Variants in PDE3A observed in about 807,000 individuals in gnomAD.
PDE3A encodes the protein cGMP-inhibited 3',5'-cyclic phosphodiesterase 3A.
PDE3A carries 43 observed loss-of-function variants against 98.3 expected under a neutral mutation model. That is an observed-to-expected ratio of 0.44 (90% CI 0.34 to 0.56). The LOEUF is 0.56. PDE3A is among the 20% of genes least tolerant of loss of function. The pLI is 0.01. For missense variants in PDE3A, 1,427 were observed against 1,440.7 expected (o/e 0.99, Z 0.15); for synonymous variants, 663 against 567.9 (o/e 1.17, Z -2.38).
At chr12:20,601,550 T>A (rs1943591823) in intron 2 of PDE3A, among the ~76,000 whole-genome samples, 1 of 152,178 alleles carries the variant, frequency 6.6e-6, no homozygotes, top group African/African-American at 2.4e-5. Context: ...GAAAATTACA[T>A]GTGGGAAAAT....
chr12:20,507,170 T>C (rs939713362), intron 1 of PDE3A, among the ~76,000 whole-genome samples: 1 of 151,986 alleles, frequency 6.6e-6, no homozygotes, highest in African/African-American at 2.4e-5. Context: ...TTTCTGTTTG[T>C]ATTGGACCTT....
chr12:20,673,848 TAAAAATAAAAATAAA>T (rs1471520864), intron 15 of PDE3A, among the ~76,000 whole-genome samples: 7 of 76,390 alleles, frequency 9.2e-5, no homozygotes, highest in East Asian at 5.5e-4. Flanking sequence ...TAAAGTATAA[TAAAAATAAAAATAAA>T]AAAAATAAAA....
intron 1 of PDE3A, among the ~76,000 whole-genome samples, chr12:20,385,739 T>A (rs995021295): frequency 6.8e-6 from 1 of 147,378 alleles, no homozygotes; most frequent in Admixed American, 7.0e-5. Flanking sequence ...AATTGAACAA[T>A]AAGAACACTT....
intron 1 of PDE3A, among the ~76,000 whole-genome samples, chr12:20,372,916 G>A (rs1278882989): frequency 6.6e-6 from 1 of 152,038 alleles, no homozygotes; most frequent in South Asian, 2.1e-4. Flanking sequence ...TGTATGAATG[G>A]CAGTGGCTGG....
At chr12:20,537,480 AT>A (rs1341723032) in intron 1 of PDE3A, among the ~76,000 whole-genome samples, 3 of 152,054 alleles carry the variant, frequency 2.0e-5, no homozygotes, top group African/African-American at 7.2e-5. Flanking sequence ...TGCATCTACT[AT>A]TATTTATTTT....
chr12:20,438,613 A>G lies in PDE3A; in HGVS notation c.960+68369A>G, dbSNP rs150762401. Among the ~76,000 whole-genome samples, 1,180 of 152,324 alleles carry G rather than the reference A, an allele frequency of 7.7e-3. 20 individuals carry two copies. Among genetic ancestry groups the G allele is most frequent in the African/African-American group, 0.026 (1,094 of 41,566 alleles). ...CTTTCTGTCATAACATCTTTATCAC[A>G]CAGGATATGGACTTGCTATGATGTG... On this transcript the variant is annotated intron_variant, in intron 1 of 15. Transcript: ENST00000359062.
intron 1 of PDE3A, among the ~76,000 whole-genome samples, chr12:20,491,820 C>A (rs1282701958): frequency 6.6e-6 from 1 of 152,170 alleles, no homozygotes; most frequent in Non-Finnish European, 1.5e-5. Context: ...ATAATCGAAT[C>A]TCTTTACAGT....
intron 1 of PDE3A, among the ~76,000 whole-genome samples, chr12:20,388,349 C>T (rs1388370709): frequency 6.6e-6 from 1 of 152,036 alleles, no homozygotes; most frequent in African/African-American, 2.4e-5. Flanking sequence ...GATCGGCCTA[C>T]AGACAATTTT....
intron 2 of PDE3A, among the ~76,000 whole-genome samples, chr12:20,579,187 A>G (rs925695193): frequency 1.3e-5 from 2 of 152,210 alleles, no homozygotes; most frequent in Non-Finnish European, 2.9e-5. Context: ...CTGAAAAGAT[A>G]TATTGAGTCC....
chr12:20,476,844 G>A (rs1945540125), intron 1 of PDE3A, among the ~76,000 whole-genome samples: 1 of 152,176 alleles, frequency 6.6e-6, no homozygotes, highest in Admixed American at 6.5e-5. Flanking sequence ...GGCTGAAAAT[G>A]TCAGTGCTTA....
intron 1 of PDE3A, among the ~76,000 whole-genome samples, chr12:20,487,553 T>TG (rs1268320217): frequency 7.3e-6 from 1 of 137,816 alleles, no homozygotes; most frequent in Non-Finnish European, 1.5e-5. Flanking sequence ...CTTGGGAGGC[T>TG]GAGGTGGGGG....
At chr12:20,504,591 G>A (rs2121094372) in intron 1 of PDE3A, among the ~76,000 whole-genome samples, 1 of 152,176 alleles carries the variant, frequency 6.6e-6, no homozygotes, top group East Asian at 1.9e-4. Context: ...GTGCTGGCAA[G>A]GTCTCATTCC....
At chr12:20,541,881 C>A (rs544660377) in intron 1 of PDE3A, among the ~76,000 whole-genome samples, 17 of 152,164 alleles carry the variant, frequency 1.1e-4, no homozygotes, top group Non-Finnish European at 1.8e-4. Flanking sequence ...ATCTTCAAGT[C>A]TTATAATAAA....
At chr12:20,405,286 C>T (rs1944212630) in intron 1 of PDE3A, among the ~76,000 whole-genome samples, 1 of 152,158 alleles carries the variant, frequency 6.6e-6, no homozygotes, top group Admixed American at 6.6e-5. Flanking sequence ...CACACGCTCT[C>T]CTTACTCCAG....
chr12:20,492,655 G>T (rs1945849293), intron 1 of PDE3A, among the ~76,000 whole-genome samples: 1 of 152,164 alleles, frequency 6.6e-6, no homozygotes, highest in Non-Finnish European at 1.5e-5. Context: ...TGTGGCTATG[G>T]GTAGAGAAAT....
chr12:20,533,724 C>CT, intron 1 of PDE3A, among the ~76,000 whole-genome samples: 1 of 146,896 alleles, frequency 6.8e-6, no homozygotes, highest in South Asian at 2.2e-4. Flanking sequence ...TCATGATCCG[C>CT]CCCGCCCCCC....
intron 1 of PDE3A, among the ~76,000 whole-genome samples, chr12:20,394,075 A>G (rs1943965867): frequency 6.6e-6 from 1 of 152,126 alleles, no homozygotes; most frequent in African/African-American, 2.4e-5. Context: ...TCCTGTACAA[A>G]GTTCCTGTAA....
chr12:20,411,075 G>T (rs2120708360), intron 1 of PDE3A, among the ~76,000 whole-genome samples: 1 of 152,120 alleles, frequency 6.6e-6, no homozygotes. Flanking sequence ...AGAGTAATTT[G>T]GGATTTTTTT....
intron 2 of PDE3A, among the ~76,000 whole-genome samples, chr12:20,599,801 G>C (rs1055853879): frequency 6.6e-6 from 1 of 152,114 alleles, no homozygotes; most frequent in Non-Finnish European, 1.5e-5. Context: ...GTTTTCATGA[G>C]ACTTGTCTCT....
Sources: allele counts gnomAD v4.1 joint callset (sites outside exome capture counted in the v4.1 genomes callset), GRCh38; gene constraint gnomAD v4.1.1; transcripts MANE v1.5; gene names NCBI Gene and HGNC (gene_info 2026-07-23, HGNC 2026-07-21).